Variants in PDE4D observed in about 807,000 individuals in gnomAD.
The protein encoded by PDE4D is 3',5'-cyclic-AMP phosphodiesterase 4D.
In PDE4D, 24 loss-of-function variants were observed where a neutral mutation model predicts 87.4. The observed-to-expected ratio is 0.27, with a 90% CI of 0.20 to 0.39. The LOEUF is 0.39. Among genes scored for constraint, PDE4D ranks in the 10% least tolerant of loss-of-function variants. The probability of loss-of-function intolerance (pLI) is 1.00; values close to 1 mark genes in which losing one functional copy is unlikely to be tolerated. For synonymous variants in PDE4D, 384 were observed against 383.2 expected, an observed-to-expected ratio of 1.00 and a Z score of -0.02; for missense variants, 714 against 1,041.0, an observed-to-expected ratio of 0.69 and a Z score of 4.32.
intron 3 of PDE4D, among the ~76,000 whole-genome samples, chr5:59,189,250 T>TTG (rs1554092769): frequency 1.4e-4 from 15 of 103,856 alleles, no homozygotes; most frequent in South Asian, 1.4e-3. Flanking sequence ...TTTTGTTTTT[T>TTG]TTGTTTTTTT....
At chr5:59,974,211 C>T (rs992011876) in intron 3 of PDE4D, among the ~76,000 whole-genome samples, 4 of 151,962 alleles carry the variant, frequency 2.6e-5, no homozygotes, top group Admixed American at 2.0e-4. Flanking sequence ...TGCTTGAATG[C>T]CAGAAATAGT....
chr5:60,076,943 G>A (rs540035548), intron 2 of PDE4D, among the ~76,000 whole-genome samples: 156 of 152,284 alleles, frequency 1.0e-3, no homozygotes, highest in Non-Finnish European at 1.7e-3. Flanking sequence ...GCTTGGGGGC[G>A]GGGACCCCCA....
At chr5:60,173,505 C>T (rs756825885) in intron 2 of PDE4D, among the ~76,000 whole-genome samples, 4 of 151,976 alleles carry the variant, frequency 2.6e-5, no homozygotes, top group Non-Finnish European at 4.4e-5. Flanking sequence ...TCAGTCTTTG[C>T]TATAATTATT....
intron 4 of PDE4D, among the ~76,000 whole-genome samples, chr5:59,181,541 C>CATATATATATATATATATATATATA (rs61135815): frequency 8.2e-5 from 5 of 60,848 alleles, no homozygotes; most frequent in South Asian, 5.0e-4. Context: ...TCAAAGATGT[C>CATATATATATATATATATATATATA]TGATATATAT....
chr5:59,669,678 A>G (rs1746863451), intron 1 of PDE4D, among the ~76,000 whole-genome samples: 1 of 152,176 alleles, frequency 6.6e-6, no homozygotes, highest in African/African-American at 2.4e-5. Context: ...GAAATACTTC[A>G]TGGGAGACCA....
chr5:60,217,957 G>T (rs534204326), intron 1 of PDE4D, among the ~76,000 whole-genome samples: 1 of 151,914 alleles, frequency 6.6e-6, no homozygotes, highest in Non-Finnish European at 1.5e-5. Flanking sequence ...AGAAATAGAA[G>T]TTAGTACTAT....
intron 2 of PDE4D, among the ~76,000 whole-genome samples, chr5:60,047,222 A>G (rs1282048804): frequency 2.0e-5 from 3 of 152,120 alleles, no homozygotes; most frequent in East Asian, 1.9e-4. Context: ...TATCCCCTTT[A>G]TCATTTTTTA....
chr5:60,196,505 C>G lies in PDE4D; in HGVS notation c.-89-10818G>C, dbSNP rs535759145. On this transcript the variant is annotated intron_variant, in intron 1 of 16. Coordinates refer to the PDE4D transcript ENST00000502484. ...ACCCTCCCACTGCCTCATTATGGTG[C>G]CCTTCCTGCCTGGGCAGTGGGAGGT... 4.9e-4 allele frequency among the ~76,000 whole-genome samples: 74 copies of G among 151,836 alleles called. 1 individual carries two copies. Among genetic ancestry groups the G allele is most frequent in the African/African-American group, 1.8e-3 (73 of 41,516 alleles).
intron 2 of PDE4D, among the ~76,000 whole-genome samples, chr5:60,097,450 T>C (rs187983244): frequency 1.4e-4 from 22 of 152,152 alleles, no homozygotes; most frequent in African/African-American, 5.3e-4. Context: ...AAAAAGAAAT[T>C]GTGAACTGTT....
At chr5:59,401,818 G>C (rs1790703608) in intron 1 of PDE4D, among the ~76,000 whole-genome samples, 1 of 152,194 alleles carries the variant, frequency 6.6e-6, no homozygotes, top group South Asian at 2.1e-4. Context: ...TCTGGACATT[G>C]TGAGTTTCTG....
At chr5:60,018,371 A>G (rs1765727192) in intron 2 of PDE4D, among the ~76,000 whole-genome samples, 1 of 152,152 alleles carries the variant, frequency 6.6e-6, no homozygotes. Context: ...ACCATTACAA[A>G]CCACTGCAAA....
At chr5:59,810,397 G>A (rs904832437) in intron 1 of PDE4D, among the ~76,000 whole-genome samples, 6 of 152,178 alleles carry the variant, frequency 3.9e-5, no homozygotes, top group African/African-American at 9.7e-5. Context: ...TCTTCTCTGG[G>A]TACTGTAAGT....
chr5:60,083,219 T>C (rs1020380954), intron 2 of PDE4D, among the ~76,000 whole-genome samples: 2 of 152,216 alleles, frequency 1.3e-5, no homozygotes, highest in African/African-American at 4.8e-5. Flanking sequence ...AATAAATAAA[T>C]GAACTCAGGA....
intron 1 of PDE4D, among the ~76,000 whole-genome samples, chr5:59,632,934 C>A (rs777810776): frequency 1.3e-5 from 2 of 152,088 alleles, no homozygotes; most frequent in African/African-American, 2.4e-5. Context: ...ATAACAAACT[C>A]CTCCAAGCTA....
intron 1 of PDE4D, among the ~76,000 whole-genome samples, chr5:59,882,069 T>C (rs534260194): frequency 1.3e-5 from 2 of 152,352 alleles, no homozygotes; most frequent in East Asian, 3.9e-4. Flanking sequence ...GTTGATTTAT[T>C]TGGATATTTC....
At chr5:59,339,961 A>AG (rs1778425416) in intron 1 of PDE4D, among the ~76,000 whole-genome samples, 2 of 151,396 alleles carry the variant, frequency 1.3e-5, no homozygotes, top group African/African-American at 4.8e-5. Context: ...AAAAAAAAAA[A>AG]GCAATTCTCA....
chr5:59,188,582 G>T (rs1205918852), intron 3 of PDE4D, among the ~76,000 whole-genome samples: 1 of 152,090 alleles, frequency 6.6e-6, no homozygotes, highest in Non-Finnish European at 1.5e-5. Flanking sequence ...ATGGTTTCGA[G>T]GATTGTTTTT....
intron 1 of PDE4D, among the ~76,000 whole-genome samples, chr5:59,332,119 A>G (rs1368867755): frequency 1.3e-5 from 2 of 152,244 alleles, no homozygotes; most frequent in Non-Finnish European, 2.9e-5. Context: ...TATGACATCA[A>G]TCATTTCAGA....
At chr5:60,194,215 T>C (rs1331717529) in intron 1 of PDE4D, among the ~76,000 whole-genome samples, 1 of 151,676 alleles carries the variant, frequency 6.6e-6, no homozygotes, top group African/African-American at 2.4e-5. Context: ...CAAGCAAGTT[T>C]TACTCCTTCC....
Sources: allele counts gnomAD v4.1 joint callset (sites outside exome capture counted in the v4.1 genomes callset), GRCh38; gene constraint gnomAD v4.1.1; transcripts MANE v1.5; gene names NCBI Gene and HGNC (gene_info 2026-07-23, HGNC 2026-07-21).